The following IQCH variants were observed in gnomAD, a reference collection of about 807,000 sequenced individuals.
IQCH encodes the protein IQ motif containing H, also known as IQ domain-containing protein H.
IQCH carries 98 observed loss-of-function variants against 117.0 expected under a neutral mutation model. The observed-to-expected ratio is 0.84, with a 90% CI of 0.71 to 0.99. IQCH has a LOEUF of 0.99. Ranked by LOEUF, IQCH falls within the 50% of genes least tolerant of loss-of-function variation. The probability of loss-of-function intolerance (pLI) is 0.00; values close to 1 mark genes in which losing one functional copy is unlikely to be tolerated. For missense variants in IQCH, 1,102 were observed against 1,243.8 expected (o/e 0.89, Z 1.72); for synonymous variants, 412 against 448.2 (o/e 0.92, Z 1.02).
At chr15:67,334,715 C>A (rs556393452) in intron 4 of IQCH, among the ~76,000 whole-genome samples, 10 of 152,244 alleles carry the variant, frequency 6.6e-5, no homozygotes, top group African/African-American at 2.4e-4. Flanking sequence ...GCTCCCTGAG[C>A]GATTCTAATA....
intron 18 of IQCH, 34 bp from the exon 19 acceptor site, chr15:67,489,969 T>C (rs2083603188): frequency 7.2e-7 from 1 of 1,390,300 alleles, no homozygotes; most frequent in East Asian, 2.3e-5. Flanking sequence ...TGAGATAATA[T>C]ACTATTTCTT....
chr15:67,487,680 T>C (rs2083528896), intron 18 of IQCH, among the ~76,000 whole-genome samples: 1 of 152,064 alleles, frequency 6.6e-6, no homozygotes, highest in Non-Finnish European at 1.5e-5. Context: ...GCCCAGGTAT[T>C]AGACGACTCT....
Position 67,266,157 on chromosome 15 carries a change from A to G in IQCH, c.269+2941A>G, listed in dbSNP as rs1011046941. 2.7e-5 allele frequency among the ~76,000 whole-genome samples: 4 copies of G among 150,422 alleles called. No homozygotes were observed. In the East Asian group the frequency reaches 7.7e-4, roughly 29 times the overall value. On this transcript the variant is annotated intron_variant, in intron 3 of 20. Coordinates refer to ENST00000335894, the MANE Select transcript of IQCH (RefSeq NM_001031715.3). The stretch of plus-strand genomic sequence containing the variant: ...TATTTATAAATTATATATTTTTATT[A>G]TATATAGTGAATACATTATAAAATG...
At chr15:67,485,095 A>C (rs2083439630) in intron 18 of IQCH, among the ~76,000 whole-genome samples, 2 of 152,174 alleles carry the variant, frequency 1.3e-5, no homozygotes, top group African/African-American at 4.8e-5. Context: ...ATTGAAAGAA[A>C]AGTCTCTGCC....
chr15:67,282,893 T>C (rs1966421112), intron 4 of IQCH, among the ~76,000 whole-genome samples: 1 of 152,158 alleles, frequency 6.6e-6, no homozygotes, highest in Non-Finnish European at 1.5e-5. Flanking sequence ...TTTAGAATTG[T>C]TTATTAAGCC....
rs2083157414 is a variant in IQCH at position 67,474,603 on chromosome 15, A to G, written c.2677-1093A>G. Among the ~76,000 whole-genome samples the G allele has an allele frequency of 6.6e-6, 1 of 152,202 alleles. No homozygotes were observed. Among genetic ancestry groups the G allele is most frequent in the Non-Finnish European group, 1.5e-5 (1 of 68,038 alleles). ...GCCTACTATCACCAATCTCTTTGGC[A>G]TGGCTTTCACTGATAGACAAGCAAG... On this transcript the variant is annotated intron_variant, in intron 17 of 20. Coordinates refer to ENST00000335894, the MANE Select transcript of IQCH (RefSeq NM_001031715.3). The surrounding 1 kb of genome is among the most constrained non-coding windows in gnomAD (Gnocchi z 4.1).
chr15:67,285,352 G>A (rs1033529162), intron 4 of IQCH, among the ~76,000 whole-genome samples: 26 of 150,976 alleles, frequency 1.7e-4, no homozygotes, highest in Middle Eastern at 3.4e-3. Flanking sequence ...ATCCTTTGTC[G>A]GTTACATAGT....
intron 4 of IQCH, among the ~76,000 whole-genome samples, chr15:67,290,864 A>G (rs551469587): frequency 1.4e-4 from 22 of 152,260 alleles, no homozygotes; most frequent in African/African-American, 5.3e-4. Context: ...GGAATTTAAT[A>G]TAGTGGCCTT....
intron 16 of IQCH, among the ~76,000 whole-genome samples, chr15:67,429,351 C>CA (rs1029004703): frequency 3.9e-5 from 6 of 151,968 alleles, no homozygotes; most frequent in Non-Finnish European, 5.9e-5. Flanking sequence ...CTTGTCTCTA[C>CA]AAAAAATTTT....
rs1317881486 is a variant in IQCH, at chr15:67,387,355, G to A, written c.1457-1476G>A. ...GTATGCCCTGCGTCTAGGTGTAAAA[G>A]ACCTTCCCAACTTTGCGAATCTCTC... is the stretch of plus-strand genomic sequence containing the variant. On this transcript the variant is annotated intron_variant, in intron 11 of 20. Transcript: ENST00000335894. This position sits in a 1 kb window ranked among gnomAD's most constrained non-coding sequence, Gnocchi z 4.8. Among the ~76,000 whole-genome samples, 3 of 152,134 alleles carry A rather than the reference G, an allele frequency of 2.0e-5. No individual in the cohort carries two copies. The highest frequency in any genetic ancestry group is 7.2e-5 in the African/African-American group (3 of 41,432).
intron 2 of IQCH, among the ~76,000 whole-genome samples, chr15:67,262,696 A>C (rs903574743): frequency 6.6e-6 from 1 of 152,152 alleles, no homozygotes; most frequent in Non-Finnish European, 1.5e-5. Flanking sequence ...CAGGCTGGGC[A>C]ATATAGGGAA....
rs536076250 is a variant in IQCH, at chr15:67,419,559, A to G, written c.2219-1732A>G. The stretch of plus-strand genomic sequence containing the variant: ...TCAGAAGCAATACTTTTTCATTTTA[A>G]TTTTTATTTTTTGAGATAGGGTCTC... On this transcript the variant is annotated intron_variant, in intron 15 of 20. Coordinates refer to ENST00000335894, the MANE Select transcript of IQCH (RefSeq NM_001031715.3). 3.5e-3 allele frequency among the ~76,000 whole-genome samples: 539 copies of G among 152,198 alleles called. 5 individuals are homozygous for G. Among genetic ancestry groups the G allele is most frequent in the African/African-American group, 0.012 (508 of 41,532 alleles).
intron 4 of IQCH, among the ~76,000 whole-genome samples, chr15:67,304,936 G>C (rs147238347): frequency 6.6e-6 from 1 of 152,110 alleles, no homozygotes; most frequent in African/African-American, 2.4e-5. Context: ...AATAGTGAGA[G>C]GGAAAAATAG....
chr15:67,281,699 C>T (rs1966365517), intron 4 of IQCH: 3 of 454,176 alleles, frequency 6.6e-6, no homozygotes, highest in East Asian at 6.9e-5. Flanking sequence ...AATTTCCCCA[C>T]AAAAGACAGC....
intron 13 of IQCH, among the ~76,000 whole-genome samples, chr15:67,398,188 T>G (rs1414070979): frequency 6.6e-6 from 1 of 152,142 alleles, no homozygotes; most frequent in African/African-American, 2.4e-5. Context: ...TATCTAAATA[T>G]GTAATTTTTA....
intron 5 of IQCH, among the ~76,000 whole-genome samples, chr15:67,343,293 C>G (rs569977410): frequency 6.6e-6 from 1 of 152,248 alleles, no homozygotes; most frequent in East Asian, 1.9e-4. Flanking sequence ...GAAGCCCTAC[C>G]ACAAATTTAT....
intron 4 of IQCH, among the ~76,000 whole-genome samples, chr15:67,333,994 G>C (rs1004640946): frequency 5.9e-5 from 9 of 152,056 alleles, no homozygotes; most frequent in African/African-American, 2.2e-4. Flanking sequence ...GGAGGTGAAG[G>C]CTGCAATGAG....
chr15:67,357,457 C>T (rs1228153888), intron 7 of IQCH, 36 bp downstream of exon 7: 2 of 1,283,154 alleles, frequency 1.6e-6, no homozygotes, highest in South Asian at 1.2e-5. Flanking sequence ...GAAAATTATT[C>T]TTATTTACAG....
intron 1 of IQCH, among the ~76,000 whole-genome samples, chr15:67,260,226 G>C (rs1367743851): frequency 2.0e-5 from 3 of 152,188 alleles, no homozygotes; most frequent in Non-Finnish European, 4.4e-5. Flanking sequence ...GGTGCCATCT[G>C]TATTTATCTG....
Sources: allele counts gnomAD v4.1 joint callset (sites outside exome capture counted in the v4.1 genomes callset), GRCh38; gene constraint gnomAD v4.1.1; non-coding constraint Gnocchi (gnomAD v3.1); transcripts MANE v1.5; gene names NCBI Gene and HGNC (gene_info 2026-07-23, HGNC 2026-07-21).